Variants in LAIR2 observed in about 807,000 individuals in gnomAD.
LAIR2 encodes the protein leukocyte-associated immunoglobulin-like receptor 2.
LAIR2 carries 14 observed loss-of-function variants against 14.8 expected under a neutral mutation model. The observed-to-expected ratio is 0.95, with a 90% confidence interval of 0.62 to 1.48. The LOEUF (loss-of-function observed/expected upper bound fraction) is 1.48, where lower values mean the gene tolerates loss of function less well. Ranked by LOEUF, LAIR2 falls within the 40% of genes most tolerant of loss-of-function variation. LAIR2 has a pLI of 0.00. For missense variants in LAIR2, 172 were observed against 180.9 expected, an observed-to-expected ratio of 0.95 and a Z score of 0.28; for synonymous variants, 75 against 74.5, an observed-to-expected ratio of 1.01 and a Z score of -0.03.
rs1316487756 is a variant in LAIR2, at chr19:54,510,684, G to A, written c.*115G>A. On this transcript the variant is annotated 3_prime_UTR_variant, in exon 5 of 5. Transcript: ENST00000301202. ...ATATACAAATAAAAAGATACGATTC[G>A]CAATGGAGAATTTCAGACCTATCAT... 15 of 1,231,676 alleles carry A rather than the reference G, an allele frequency of 1.2e-5. No individual in the cohort carries two copies. Among genetic ancestry groups the A allele is most frequent in the South Asian group, 7.5e-5 (6 of 79,642 alleles). The allele number at this position is 1,231,676 out of a possible 1,614,324, so 76.3% of individuals were successfully genotyped here. A position where few individuals can be genotyped will look rare whatever the true frequency, so the allele number is the denominator to read the frequency against.
At chr19:54,504,357 A>T (rs1326004189) in intron 2 of LAIR2, among the ~76,000 whole-genome samples, 2 of 152,194 alleles carry the variant, frequency 1.3e-5, no homozygotes, top group Non-Finnish European at 2.9e-5. Flanking sequence ...AAGATTAAAT[A>T]AGGCTAAATA....
Position 54,508,028 on chromosome 19 carries a change from G to T in LAIR2, c.208G>T (p.Asp70Tyr), listed in dbSNP as rs1241680217. Residue 70 changes from aspartate (D) to tyrosine (Y), a missense_variant, in exon 3 of 5, where the codon GAT becomes TAT. Coordinates refer to ENST00000301202, the MANE Select transcript of LAIR2 (RefSeq NM_002288.6). ...LEREDRAKYK[D>Y]SYNVFRLGPS... ...GAGGGAGGATAGAGCCAAGTACAAA[G>T]ATAGTTATAATGTGTTTCGACTTGG... 6.2e-7 allele frequency: 1 copy of T among 1,614,116 alleles called. No homozygotes were observed. The highest frequency in any genetic ancestry group is 1.3e-5 in the African/African-American group (1 of 74,940).
At chr19:54,503,808 T>A in intron 2 of LAIR2, 73 bp downstream of exon 2, 1 of 1,603,782 alleles carries the variant, frequency 6.2e-7, no homozygotes. Flanking sequence ...GGGAGTGATG[T>A]TGATTCTTAG....
chr19:54,503,706 GC>G lies in LAIR2; in HGVS notation c.43del (p.Leu15TrpfsTer24). 1 of 1,613,978 alleles carries G rather than the reference GC, an allele frequency of 6.2e-7. No individual in the cohort carries two copies. Among genetic ancestry groups the G allele is most frequent in the Non-Finnish European group, 8.5e-7 (1 of 1,179,958 alleles). Reference sequence around the variant, plus strand: ...ACTGGGGCTTCTCTTCCAGTGCTCTGCCTGGCCCAGACCATCCACACGCAGG... The same window carrying G: ...ACTGGGGCTTCTCTTCCAGTGCTCTGCTGGCCCAGACCATCCACACGCAGG... ...HLTALLGLVL[C>X]LAQTIHTQEG... On this transcript the variant is annotated frameshift_variant, in exon 2 of 5. Transcript: ENST00000301202. LOFTEE classifies it high-confidence loss of function.
intron 2 of LAIR2, among the ~76,000 whole-genome samples, chr19:54,505,093 G>A (rs1600094707): frequency 1.3e-5 from 2 of 152,220 alleles, no homozygotes; most frequent in African/African-American, 2.4e-5. Context: ...TTCATTTGGT[G>A]GTGGTTATAT....
chr19:54,508,032 G>T lies in LAIR2; in HGVS notation c.212G>T (p.Ser71Ile), dbSNP rs368642202. Residue 71 changes from serine to isoleucine, a missense_variant, in exon 3 of 5, where the codon AGT becomes ATT. Around this residue, in one of 2 missense-constraint regions of LAIR2, gnomAD observed 161 missense variants for 149.0 expected, o/e 1.08. Coordinates refer to ENST00000301202, the MANE Select transcript of LAIR2 (RefSeq NM_002288.6). ...GAGGATAGAGCCAAGTACAAAGATA[G>T]TTATAATGTGTTTCGACTTGGTCCA... The part of the protein sequence containing the change: ...EREDRAKYKD[S>I]YNVFRLGPSE... 6.2e-7 allele frequency: 1 copy of T among 1,614,190 alleles called. No homozygotes were observed.
At chr19:54,503,826 G>A in intron 2 of LAIR2, 91 bp downstream of exon 2, 2 of 1,536,294 alleles carry the variant, frequency 1.3e-6, no homozygotes, top group East Asian at 2.2e-5. Context: ...TAGAGGGCCT[G>A]GAGAGATCCC....
chr19:54,503,458 C>CCAA (rs111754128), intron 1 of LAIR2, among the ~76,000 whole-genome samples: 98,142 of 151,182 alleles, frequency 0.65, 31,987 homozygotes, highest in Middle Eastern at 0.72. Flanking sequence ...AACTCCGTCT[C>CCAA]CAACAACACC....
chr19:54,508,403 A>G (rs2277971), intron 3 of LAIR2, among the ~76,000 whole-genome samples: 33,260 of 152,042 alleles, frequency 0.22, 3,744 homozygotes, highest in East Asian at 0.3. Flanking sequence ...TGGACGCCAC[A>G]GATGGCGTGG....
At chr19:54,504,346 A>G (rs186142280) in intron 2 of LAIR2, among the ~76,000 whole-genome samples, 2 of 152,322 alleles carry the variant, frequency 1.3e-5, no homozygotes, top group Admixed American at 1.3e-4. Context: ...AACATTGTGG[A>G]AAGATTAAAT....
rs763733970 is a variant in LAIR2, at chr19:54,508,108, C to G, written c.288C>G (p.Ala96=). Residue 96 remains alanine (A), a synonymous_variant, in exon 3 of 5, where the codon GCC becomes GCG. Coordinates refer to ENST00000301202, the MANE Select transcript of LAIR2 (RefSeq NM_002288.6). The part of the protein sequence containing the change: ...FHIDSVSEGN[A]GLYRCLYYKP... ...TTGACTCAGTAAGTGAAGGAAATGC[C>G]GGGCTTTATCGCTGCCTCTATTATA... is the stretch of plus-strand genomic sequence containing the variant. The G allele has an allele frequency of 6.2e-7, 1 of 1,614,166 alleles. No homozygotes were observed. The highest frequency in any genetic ancestry group is 1.7e-5 in the Admixed American group (1 of 60,014).
rs759180651 is a variant in LAIR2 at position 54,502,968 on chromosome 19, A to T, written c.34+16A>T. 9.3e-6 allele frequency: 15 copies of T among 1,608,012 alleles called. No homozygotes were observed. In the East Asian group the frequency reaches 3.1e-4, roughly 34 times the overall value. On this transcript the variant is annotated intron_variant, in intron 1 of 4. Transcript: ENST00000301202. The stretch of plus-strand genomic sequence containing the variant: ...CTGGGCCTAGGTGAGTCCTGGAGGG[A>T]GCGGGAAGGACTGGAAAGGGGGTCG...
Position 54,508,089 on chromosome 19 carries a change from C to T in LAIR2, c.269C>T (p.Ser90Leu), listed in dbSNP as rs1422881395. 4 of 1,614,064 alleles carry T rather than the reference C, an allele frequency of 2.5e-6. No individual in the cohort carries two copies. The change falls in exon 3 of 5, where the codon TCA becomes TTA. Residue 90 changes from serine (S) to leucine (L), a missense_variant. Ser to Leu is a moderately radical substitution (Grantham distance 145). Coordinates refer to ENST00000301202, the MANE Select transcript of LAIR2 (RefSeq NM_002288.6). ...TCAGAGGCCAGATTCCACATTGACT[C>T]AGTAAGTGAAGGAAATGCCGGGCTT... ...SESEARFHID[S>L]VSEGNAGLYR...
At position 54,502,865 on chromosome 19, in the gene LAIR2, C is replaced by T. The variant is rs370189893; in HGVS notation, c.-54C>T. 201 of 1,611,860 alleles carry T rather than the reference C, an allele frequency of 1.2e-4. 1 individual carries two copies. The African/African-American group carries it at 2.1e-3, about 16-fold the overall frequency. ...GGAAGCCCCACGGGCAGGAGGCCCC[C>T]GGCCAGCACATCCTGTCTGCTTGTG... On this transcript the variant is annotated 5_prime_UTR_variant, in exon 1 of 5. Transcript: ENST00000301202.
intron 3 of LAIR2, 78 bp downstream of exon 3, chr19:54,508,262 G>A (rs1220100396): frequency 1.8e-5 from 26 of 1,424,368 alleles, no homozygotes; most frequent in African/African-American, 4.3e-5. Context: ...TCCCTGTCCC[G>A]GCTGCTGTCC....
intron 4 of LAIR2, 56 bp from the exon 5 acceptor site, chr19:54,510,470 A>C: frequency 6.6e-7 from 1 of 1,505,382 alleles, no homozygotes; most frequent in African/African-American, 1.4e-5. Flanking sequence ...GCTGATTAGA[A>C]AACCCCAAAG....
At position 54,503,638 on chromosome 19, in the gene LAIR2, G is replaced by A. The variant is rs530849635; in HGVS notation, c.35-62G>A. The stretch of plus-strand genomic sequence containing the variant: ...CCCCAGCTCCGTCAAGCCCCCTTTT[G>A]ACAGCAGCCCTGTAAGGAGACTGGG... On this transcript the variant is annotated intron_variant, in intron 1 of 4. Transcript: ENST00000301202. 3.1e-6 allele frequency: 5 copies of A among 1,611,862 alleles called. No individual in the cohort carries two copies. In the East Asian group the frequency reaches 1.1e-4, roughly 36 times the overall value.
At chr19:54,508,353 C>T (rs2085407925) in intron 3 of LAIR2, among the ~76,000 whole-genome samples, 169 bp downstream of exon 3, 1 of 151,198 alleles carries the variant, frequency 6.6e-6, no homozygotes, top group African/African-American at 2.4e-5. Flanking sequence ...CTCCCCTCTG[C>T]CCTCACACCT....
chr19:54,502,972 G>A lies in LAIR2; in HGVS notation c.34+20G>A, dbSNP rs374323910. The A allele has an allele frequency of 5.6e-6, 9 of 1,605,320 alleles. No individual in the cohort carries two copies. Among genetic ancestry groups the A allele is most frequent in the East Asian group, 2.2e-5 (1 of 44,702 alleles). On this transcript the variant is annotated intron_variant, in intron 1 of 4. Transcript: ENST00000301202. ...GCCTAGGTGAGTCCTGGAGGGAGCGGGAAGGACTGGAAAGGGGGTCGGGAG... is the reference window on the plus strand; with the variant it reads ...GCCTAGGTGAGTCCTGGAGGGAGCGAGAAGGACTGGAAAGGGGGTCGGGAG...
Sources: gnomAD v4.1 joint callset for allele counts (sites outside exome capture counted in the v4.1 genomes callset) on GRCh38, gnomAD v4.1.1 for gene constraint, gnomAD v4.1.1 regional missense constraint, MANE v1.5 for transcripts, NCBI Gene and HGNC (gene_info 2026-07-23, HGNC 2026-07-21) for gene names.